Variants in SYNE1 observed in about 807,000 individuals in gnomAD.
The protein encoded by SYNE1 is nesprin-1.
Under a neutral mutation model 1,111.0 loss-of-function variants are expected in SYNE1, and 616 were observed. The observed-to-expected ratio is 0.55, with a 90% CI of 0.52 to 0.59. The LOEUF is 0.59. Ranked by LOEUF, SYNE1 falls within the 20% of genes least tolerant of loss-of-function variation. The pLI, the probability that SYNE1 is intolerant of heterozygous loss-of-function variation, is 0.00. For synonymous variants in SYNE1, 3,855 were observed against 3,825.8 expected, an observed-to-expected ratio of 1.01 and a Z score of -0.28; for missense variants, 10,006 against 10,417.0, an observed-to-expected ratio of 0.96 and a Z score of 1.72.
At position 152,401,123 on chromosome 6, in the gene SYNE1, T is replaced by C. The variant is rs757201043; in HGVS notation, c.7029+15A>G. On this transcript the variant is annotated intron_variant, in intron 47 of 145. Transcript: ENST00000367255. ...CCATTTGAATGGAAGCACTTAATGA[T>C]AGTTTATTACCTACCTTGACTTTTT... 1.8e-4 allele frequency: 285 copies of C among 1,612,426 alleles called. No individual in the cohort carries two copies. Among genetic ancestry groups the C allele is most frequent in the South Asian group, 5.8e-4 (53 of 91,060 alleles).
chr6:152,298,751 T>A (rs993727018), intron 93 of SYNE1, among the ~76,000 whole-genome samples: 1 of 152,160 alleles, frequency 6.6e-6, no homozygotes, highest in African/African-American at 2.4e-5. Context: ...GGTCATGGTG[T>A]CATATTTTTT....
chr6:152,462,659 T>C, intron 20 of SYNE1, 79 bp downstream of exon 20: 2 of 1,571,592 alleles, frequency 1.3e-6, no homozygotes, highest in Non-Finnish European at 1.7e-6. Context: ...AAACAGCTTT[T>C]GCAATGATCT....
intron 3 of SYNE1, among the ~76,000 whole-genome samples, chr6:152,570,883 C>T (rs2099450313): frequency 6.6e-6 from 1 of 152,140 alleles, no homozygotes. Flanking sequence ...GTAAGGTAAG[C>T]ATCTATCTAG....
intron 78 of SYNE1, among the ~76,000 whole-genome samples, chr6:152,328,383 TA>T (rs1470856929): frequency 1.7e-4 from 9 of 51,894 alleles, no homozygotes; most frequent in African/African-American, 4.3e-4. Flanking sequence ...TATTTTATTT[TA>T]TTTATTTATT....
chr6:152,549,679 T>C (rs1238745208), intron 3 of SYNE1, among the ~76,000 whole-genome samples: 1 of 152,178 alleles, frequency 6.6e-6, no homozygotes, highest in African/African-American at 2.4e-5. Flanking sequence ...TTAATAGCTA[T>C]CTACAGCTGT....
In SYNE1 at chr6:152,442,134, G is replaced by T; in HGVS notation, c.3949C>A (p.Leu1317Met). 6.2e-7 allele frequency: 1 copy of T among 1,613,974 alleles called. No individual in the cohort carries two copies. Among genetic ancestry groups the T allele is most frequent in the Non-Finnish European group, 8.5e-7 (1 of 1,180,026 alleles). ...PDRGHEELRK[L>M]ESTLDGLERS... ...TCCAGGCCATCCAGTGTGCTCTCCA[G>T]CTTCCGCAGCTCCTCGTGGCCTCGG... is the stretch of plus-strand genomic sequence containing the variant. The change falls in exon 31 of 146, where the codon CTG (leucine) becomes ATG (methionine). Residue 1317 changes from leucine to methionine, a missense_variant. Around this residue, in one of 7 missense-constraint regions of SYNE1, gnomAD observed 1,971 missense variants for 2,084.1 expected, o/e 0.95. Coordinates refer to ENST00000367255, the MANE Select transcript of SYNE1 (RefSeq NM_182961.4).
At chr6:152,297,156 TCTC>T (rs1246693035) in intron 93 of SYNE1, among the ~76,000 whole-genome samples, 1 of 152,004 alleles carries the variant, frequency 6.6e-6, no homozygotes, top group Non-Finnish European at 1.5e-5. Context: ...CATTTCCCCC[TCTC>T]CTCCTCCTCC....
chr6:152,211,615 A>G, intron 123 of SYNE1, 27 bp from the exon 124 acceptor site: 1 of 1,579,394 alleles, frequency 6.3e-7, no homozygotes, highest in Non-Finnish European at 8.7e-7. Flanking sequence ...AGAAGAACAT[A>G]CTTTAGAGTT....
chr6:152,326,483 T>C lies in SYNE1; in HGVS notation c.15106A>G (p.Met5036Val), dbSNP rs755539687. ...TGATCCTCTGTACTGAAAAATTCCA[T>C]GTGGCTTTTGAGATTTTCCTCTGCG... The part of the protein sequence containing the change: ...ESAEENLKSH[M>V]EFFSTEDQFH... Residue 5036 changes from methionine (M) to valine (V), a missense_variant, in exon 79 of 146, where the codon ATG (methionine) becomes GTG (valine). Around this residue, in one of 7 missense-constraint regions of SYNE1, gnomAD observed 4,955 missense variants for 5,017.2 expected, o/e 0.99. Transcript: ENST00000367255. 1.2e-6 allele frequency: 2 copies of C among 1,614,212 alleles called. No individual in the cohort carries two copies. The highest frequency in any genetic ancestry group is 1.7e-6 in the Non-Finnish European group (2 of 1,180,042).
Position 152,352,252 on chromosome 6 carries a change from C to G in SYNE1, c.11355G>C (p.Arg3785Ser). 6.2e-7 allele frequency: 1 copy of G among 1,614,156 alleles called. No individual in the cohort carries two copies. The highest frequency in any genetic ancestry group is 8.5e-7 in the Non-Finnish European group (1 of 1,180,004). ...VKYLEEGEAE[R>S]LRKEIHDHME... ...TGTGATCATGAATCTCCTTTCTTAA[C>G]CTCTCTGCCTCGCCTTCCTCCAAGT... The change falls in exon 70 of 146, where the codon AGG becomes AGC. Residue 3785 changes from arginine to serine, a missense_variant. This residue lies in a region of SYNE1 where 4,955 missense variants were observed against 5,017.2 expected (regional missense o/e 0.99). Coordinates refer to ENST00000367255, the MANE Select transcript of SYNE1 (RefSeq NM_182961.4).
In SYNE1 at chr6:152,343,836, G is replaced by A. The variant is rs371306194; in HGVS notation, c.12225+245C>T. On this transcript the variant is annotated intron_variant, in intron 74 of 145. Transcript: ENST00000367255. The stretch of plus-strand genomic sequence containing the variant: ...GCCCGTTTTGGCCTCCCAAAGTGCT[G>A]GGATTGCAGGCATGAGCCACTACGC... 5.3e-5 allele frequency among the ~76,000 whole-genome samples: 8 copies of A among 152,220 alleles called. No homozygotes were observed. The East Asian group carries it at 1.6e-3, about 30-fold the overall frequency.
chr6:152,505,495 T>C (rs2099053017), intron 8 of SYNE1, 98 bp from the exon 9 acceptor site: 11 of 1,273,176 alleles, frequency 8.6e-6, no homozygotes, highest in Non-Finnish European at 1.2e-5. Context: ...TCACCAACGA[T>C]ATGCAGAGAG....
In SYNE1 at chr6:152,416,856, C is replaced by G; in HGVS notation, c.5581G>C (p.Glu1861Gln). 6.2e-7 allele frequency: 1 copy of G among 1,614,036 alleles called. No homozygotes were observed. Among genetic ancestry groups the G allele is most frequent in the Non-Finnish European group, 8.5e-7 (1 of 1,179,906 alleles). Residue 1861 changes from glutamate (E) to glutamine (Q), a missense_variant, in exon 41 of 146, where the codon GAG (glutamate) becomes CAG (glutamine). Transcript: ENST00000367255. ...QLFEEASQVV[E>Q]RRQLALSHLA... is the part of the protein sequence containing the mutation. The stretch of plus-strand genomic sequence containing the variant: ...TGGGACAGGGCAAGCTGCCGCCTCT[C>G]CACAACCTGGCTGGCCTCCTCAAAC...
At position 152,352,802 on chromosome 6, in the gene SYNE1, G is replaced by A. The variant is rs116830862; in HGVS notation, c.11254-449C>T. ...GTTGACATTCATAACCAGATTTGAC[G>A]TGCCAGGAATCAGGAACCTTGGCTT... On this transcript the variant is annotated intron_variant, in intron 69 of 145. Transcript: ENST00000367255. 1.4e-4 allele frequency among the ~76,000 whole-genome samples: 21 copies of A among 152,250 alleles called. 1 individual carries two copies. The South Asian group carries it at 4.1e-3, about 30-fold the overall frequency.
chr6:152,311,836 C>T (rs565016254), intron 87 of SYNE1, among the ~76,000 whole-genome samples: 15 of 150,678 alleles, frequency 1.0e-4, no homozygotes, highest in South Asian at 2.1e-4. Context: ...AGTGCAGTGG[C>T]GCAATCTCAG....
At chr6:152,144,414 C>T (rs1285305132) in intron 137 of SYNE1, 2 of 156,818 alleles carry the variant, frequency 1.3e-5, no homozygotes, top group Non-Finnish European at 2.8e-5. Flanking sequence ...CAGGTTCTTA[C>T]TCATAGCCTA....
intron 117 of SYNE1, 129 bp from the exon 118 acceptor site, chr6:152,221,688 C>A: frequency 2.6e-6 from 3 of 1,174,674 alleles, no homozygotes; most frequent in South Asian, 2.6e-5. Context: ...TGACTTAGCA[C>A]CAATGCTTTA....
At chr6:152,489,985 A>C in intron 11 of SYNE1, among the ~76,000 whole-genome samples, 1 of 152,174 alleles carries the variant, frequency 6.6e-6, no homozygotes, top group East Asian at 1.9e-4. Flanking sequence ...TCCTGTGACA[A>C]CCTCAGCGCT....
At chr6:152,405,767 G>A (rs867407489) in intron 45 of SYNE1, among the ~76,000 whole-genome samples, 4 of 152,246 alleles carry the variant, frequency 2.6e-5, no homozygotes, top group Middle Eastern at 6.8e-3. Flanking sequence ...ACCCCTGCCT[G>A]TACTTTTAGT....
Sources: allele counts gnomAD v4.1 joint callset (sites outside exome capture counted in the v4.1 genomes callset), GRCh38; gene constraint gnomAD v4.1.1; regional missense constraint gnomAD v4.1.1; transcripts MANE v1.5; gene names NCBI Gene and HGNC (gene_info 2026-07-23, HGNC 2026-07-21).